SPTB: variants seen among roughly 807,000 people sequenced by gnomAD.
The protein encoded by SPTB is spectrin beta chain, erythrocytic.
SPTB carries 45 observed loss-of-function variants against 256.2 expected under a neutral mutation model. The observed-to-expected ratio is 0.18, with a 90% CI of 0.14 to 0.23. SPTB has a LOEUF of 0.23. Ranked by LOEUF, SPTB falls within the 10% of genes least tolerant of loss-of-function variation. SPTB has a pLI of 1.00. For synonymous variants in SPTB, 1,231 were observed against 1,243.1 expected, an observed-to-expected ratio of 0.99 and a Z score of 0.21; for missense variants, 2,715 against 3,040.4, an observed-to-expected ratio of 0.89 and a Z score of 2.52.
At chr14:64,755,105 GC>G in intron 32 of SPTB, 1 of 152,396 alleles carries the variant, frequency 6.6e-6, no homozygotes, top group Non-Finnish European at 1.5e-5. Flanking sequence ...CCTCCTCCCT[GC>G]CCCAACAGCT....
intron 2 of SPTB, 80 bp downstream of exon 2, chr14:64,822,867 A>G: frequency 1.3e-6 from 2 of 1,587,904 alleles, no homozygotes; most frequent in Admixed American, 1.7e-5. Context: ...ACACACACAG[A>G]GGATTCACAC....
rs1399977856 is a variant in SPTB at position 64,796,404 on chromosome 14, G to C, written c.1341+153C>G. On this transcript the variant is annotated intron_variant, in intron 11 of 35. Coordinates refer to ENST00000644917, the MANE Select transcript of SPTB (RefSeq NM_001355436.2). This position sits in a 1 kb window ranked among gnomAD's most constrained non-coding sequence, Gnocchi z 4.1. ...ATAAATCCTGGAGAGCTCCTCCCCA[G>C]ATGCAAATCTTGATCCACTGGATCA... Among the ~76,000 whole-genome samples, 1 of 152,186 alleles carries C rather than the reference G, an allele frequency of 6.6e-6. No individual in the cohort carries two copies. The highest frequency in any genetic ancestry group is 1.5e-5 in the Non-Finnish European group (1 of 68,046).
chr14:64,801,939 T>C (rs1231687873), intron 5 of SPTB, 105 bp from the exon 6 acceptor site: 14 of 1,196,680 alleles, frequency 1.2e-5, no homozygotes, highest in Non-Finnish European at 1.6e-5. Context: ...GGAACTGTCC[T>C]TTCTTGAGCC....
intron 1 of SPTB, among the ~76,000 whole-genome samples, chr14:64,843,588 G>GA (rs1274195801): frequency 6.6e-6 from 1 of 152,060 alleles, no homozygotes; most frequent in Admixed American, 6.6e-5. Flanking sequence ...CCGGTAGTAG[G>GA]AAAAAAGGCA....
At chr14:64,782,642 G>C in intron 19 of SPTB, 89 bp from the exon 20 acceptor site, 2 of 1,579,946 alleles carry the variant, frequency 1.3e-6, no homozygotes, top group Non-Finnish European at 1.7e-6. Flanking sequence ...GGCTACCCAA[G>C]AGGAGGTCAG....
At chr14:64,750,510 T>TAACA (rs1393013630) in intron 33 of SPTB, among the ~76,000 whole-genome samples, 1 of 152,166 alleles carries the variant, frequency 6.6e-6, no homozygotes, top group Admixed American at 6.5e-5. Flanking sequence ...GCAAGATGGC[T>TAACA]AACACTTGTA....
At position 64,747,097 on chromosome 14, in the gene SPTB, G is replaced by C. The variant is rs1185922195; in HGVS notation, c.*2209C>G. The stretch of plus-strand genomic sequence containing the variant: ...CCCTGGACCAGGCCAGGGGACCTGG[G>C]GTGGTGAGATGCTAGCTCTTCCACT... On this transcript the variant is annotated 3_prime_UTR_variant, in exon 36 of 36. Coordinates refer to ENST00000644917, the MANE Select transcript of SPTB (RefSeq NM_001355436.2). The C allele has an allele frequency of 1.3e-5, 2 of 152,586 alleles. No individual in the cohort carries two copies. The highest frequency in any genetic ancestry group is 4.8e-5 in the African/African-American group (2 of 41,444). 9.5% of individuals were successfully genotyped at this position (152,586 alleles called of 1,614,324 possible).
In SPTB at chr14:64,749,224, G is replaced by T; in HGVS notation, c.*82C>A. The T allele has an allele frequency of 6.7e-7, 1 of 1,488,162 alleles. No individual in the cohort carries two copies. The allele number at this position is 1,488,162 out of a possible 1,614,324, so 92.2% of individuals were successfully genotyped here. A position where few individuals can be genotyped will look rare whatever the true frequency, so the allele number is the denominator to read the frequency against. On this transcript the variant is annotated 3_prime_UTR_variant, in exon 36 of 36. Coordinates refer to ENST00000644917, the MANE Select transcript of SPTB (RefSeq NM_001355436.2). The surrounding 1 kb of genome is among the most constrained non-coding windows in gnomAD (Gnocchi z 4.7). ...CTCGACTCATCTCGATTCGACCGGCGGGCGGCGGCGAGAGGAGGCCAAGGC... is the reference window on the plus strand; with the variant it reads ...CTCGACTCATCTCGATTCGACCGGCTGGCGGCGGCGAGAGGAGGCCAAGGC...
At chr14:64,878,669 G>T (rs772482733) in intron 1 of SPTB, among the ~76,000 whole-genome samples, 7 of 152,042 alleles carry the variant, frequency 4.6e-5, no homozygotes, top group African/African-American at 1.5e-4. Context: ...AATACGGATC[G>T]TGACTACCTC....
At chr14:64,774,178 C>G (rs537528579) in intron 24 of SPTB, among the ~76,000 whole-genome samples, 1 of 152,296 alleles carries the variant, frequency 6.6e-6, no homozygotes, top group South Asian at 2.1e-4. Flanking sequence ...CTGATCATTT[C>G]GAAAACCAGG....
chr14:64,750,000 T>G lies in SPTB; in HGVS notation c.6757A>C (p.Lys2253Gln), dbSNP rs201289041. 125 of 1,612,968 alleles carry G rather than the reference T, an allele frequency of 7.7e-5. No homozygotes were observed. Among genetic ancestry groups the G allele is most frequent in the African/African-American group, 1.2e-4 (9 of 74,920 alleles). Residue 2253 changes from lysine (K) to glutamine (Q), a missense_variant, in exon 34 of 36, where the codon AAG becomes CAG. This residue lies in a region of SPTB where 2,239 missense variants were observed against 2,384.4 expected (regional missense o/e 0.94). Transcript: ENST00000644917. The surrounding 1 kb of genome is among the most constrained non-coding windows in gnomAD (Gnocchi z 4.7). ...CCTCACCTCAGCTTAAAGACGTGCT[T>G]CTTCTTCTTGTAGTTGGCAGCAATC... is the stretch of plus-strand genomic sequence containing the variant. ...CEIAANYKKKKHVFKLRLSNG... is the reference protein window; with the variant it reads ...CEIAANYKKKQHVFKLRLSNG...
At chr14:64,864,721 C>T (rs1409217106) in intron 1 of SPTB, among the ~76,000 whole-genome samples, 3 of 151,972 alleles carry the variant, frequency 2.0e-5, no homozygotes, top group Non-Finnish European at 4.4e-5. Flanking sequence ...TCTAGGAGTG[C>T]CATTTATACT....
chr14:64,795,792 C>T lies in SPTB; in HGVS notation c.1342-153G>A, dbSNP rs1021794435. Among the ~76,000 whole-genome samples the T allele has an allele frequency of 2.0e-5, 3 of 152,348 alleles. No homozygotes were observed. On this transcript the variant is annotated intron_variant, in intron 11 of 35. Coordinates refer to ENST00000644917, the MANE Select transcript of SPTB (RefSeq NM_001355436.2). The surrounding 1 kb of genome is among the most constrained non-coding windows in gnomAD (Gnocchi z 6.5). Reference sequence around the variant, plus strand: ...GTTCTGCCTTACTTTTGCAGCCTGTCTTATCAGACCCAAGTTCCAAAAATT... The same window carrying T: ...GTTCTGCCTTACTTTTGCAGCCTGTTTTATCAGACCCAAGTTCCAAAAATT...
intron 1 of SPTB, among the ~76,000 whole-genome samples, chr14:64,849,572 G>A (rs2083746287): frequency 6.6e-6 from 1 of 152,084 alleles, no homozygotes; most frequent in South Asian, 2.1e-4. Context: ...CTCTTTTAGA[G>A]CAAAATTTTA....
At chr14:64,763,628 T>G (rs1248137950) in intron 32 of SPTB, 3 of 470,484 alleles carry the variant, frequency 6.4e-6, no homozygotes, top group Non-Finnish European at 8.7e-6. Flanking sequence ...AGGTGGTTTT[T>G]ATCTCAAATC....
chr14:64,773,826 A>G (rs925286852), intron 24 of SPTB, among the ~76,000 whole-genome samples: 5 of 152,150 alleles, frequency 3.3e-5, no homozygotes, highest in Admixed American at 2.0e-4. Context: ...GGGCCCAGAC[A>G]ATGTGGCTCC....
At chr14:64,788,642 A>C (rs1276545089) in intron 15 of SPTB, among the ~76,000 whole-genome samples, 1 of 152,202 alleles carries the variant, frequency 6.6e-6, no homozygotes, top group Non-Finnish European at 1.5e-5. Flanking sequence ...CTGTGTCCCC[A>C]GGCAAGAGGC....
chr14:64,797,784 T>C lies in SPTB; in HGVS notation c.1127A>G (p.Asn376Ser). Residue 376 changes from asparagine to serine, a missense_variant, in exon 10 of 36, where the codon AAC becomes AGC. Around this residue, in one of 4 missense-constraint regions of SPTB, gnomAD observed 416 missense variants for 571.1 expected, o/e 0.73. Transcript: ENST00000644917. ...LFTIQSRMRA[N>S]NQKVYTPHDG... ...GTGGGGTGTGTACACTTTCTGATTG[T>C]TGGCTCTCATCCGGGACTGGATGGT... The C allele has an allele frequency of 1.2e-6, 2 of 1,614,186 alleles. No homozygotes were observed. The highest frequency in any genetic ancestry group is 1.7e-6 in the Non-Finnish European group (2 of 1,180,028).
In SPTB at chr14:64,749,388, A is replaced by AG; in HGVS notation, c.6904dup (p.Leu2302ProfsTer62). 1 of 1,609,920 alleles carries AG rather than the reference A, an allele frequency of 6.2e-7. No individual in the cohort carries two copies. The highest frequency in any genetic ancestry group is 8.5e-7 in the Non-Finnish European group (1 of 1,179,770). ...GGCGTCGGGGCCGGAGAGGGAAGGC[A>AG]GGGGCAGGCTCTGCGCCTTGACGCG... On this transcript the variant is annotated frameshift_variant, in exon 36 of 36. Transcript: ENST00000644917. LOFTEE classifies it high-confidence loss of function. The surrounding 1 kb of genome is among the most constrained non-coding windows in gnomAD (Gnocchi z 4.7).
Sources: allele counts gnomAD v4.1 joint callset (sites outside exome capture counted in the v4.1 genomes callset), GRCh38; gene constraint gnomAD v4.1.1; regional missense constraint gnomAD v4.1.1; non-coding constraint Gnocchi (gnomAD v3.1); transcripts MANE v1.5; gene names NCBI Gene and HGNC (gene_info 2026-07-23, HGNC 2026-07-21).